Variants in RANBP10 observed in about 807,000 individuals in gnomAD.
The protein encoded by RANBP10 is RAN binding protein 10.
Under a neutral mutation model 72.8 loss-of-function variants are expected in RANBP10, and 24 were observed. The observed-to-expected ratio is 0.33, with a 90% CI of 0.24 to 0.46. The LOEUF (loss-of-function observed/expected upper bound fraction) is 0.46, where lower values mean the gene tolerates loss of function less well. Among genes scored for constraint, RANBP10 ranks in the 20% least tolerant of loss-of-function variants. The pLI is 1.00. For synonymous variants in RANBP10, 310 were observed against 322.3 expected (o/e 0.96, Z 0.41); for missense variants, 679 against 817.5 (o/e 0.83, Z 2.07).
intron 13 of RANBP10, 32 bp downstream of exon 13, chr16:67,727,295 C>T: frequency 6.4e-7 from 1 of 1,574,756 alleles, no homozygotes; most frequent in East Asian, 2.3e-5. Context: ...CAGACTCTGT[C>T]TCTAATAATA....
intron 3 of RANBP10, among the ~76,000 whole-genome samples, chr16:67,767,535 G>C (rs755168896): frequency 1.0e-4 from 15 of 150,464 alleles, no homozygotes; most frequent in South Asian, 4.2e-4. Context: ...GCCTAGATGA[G>C]AGGATTGCTT....
At chr16:67,805,043 A>G (rs973351181) in intron 2 of RANBP10, among the ~76,000 whole-genome samples, 1 of 152,188 alleles carries the variant, frequency 6.6e-6, no homozygotes, top group African/African-American at 2.4e-5. Context: ...GGGCCTCCAC[A>G]TGACTAAATG....
intron 2 of RANBP10, among the ~76,000 whole-genome samples, chr16:67,786,936 A>C (rs2054927525): frequency 6.6e-6 from 1 of 151,168 alleles, no homozygotes; most frequent in African/African-American, 2.4e-5. Flanking sequence ...CAAAAACAAC[A>C]ACGAAAAAAT....
At chr16:67,774,718 CAGGGTTCA>C (rs1173567970) in intron 2 of RANBP10, among the ~76,000 whole-genome samples, 2 of 152,174 alleles carry the variant, frequency 1.3e-5, no homozygotes, top group Non-Finnish European at 2.9e-5. Context: ...ACAGCTGAGT[CAGGGTTCA>C]AGGCGAATAA....
intron 3 of RANBP10, among the ~76,000 whole-genome samples, chr16:67,754,499 TGAG>T (rs1485782198): frequency 1.3e-5 from 2 of 152,134 alleles, no homozygotes; most frequent in African/African-American, 4.8e-5. Flanking sequence ...CCAAAGGAGT[TGAG>T]GAGATGATGG....
chr16:67,744,730 G>A (rs2143005999), intron 3 of RANBP10, among the ~76,000 whole-genome samples: 1 of 152,394 alleles, frequency 6.6e-6, no homozygotes, highest in African/African-American at 2.4e-5. Flanking sequence ...ATACCAGAGG[G>A]TGGTACAACA....
Position 67,726,321 on chromosome 16 carries a change from A to T in RANBP10, c.*107T>A. 1 of 1,522,360 alleles carries T rather than the reference A, an allele frequency of 6.6e-7. No individual in the cohort carries two copies. 94.3% of individuals were successfully genotyped at this position (1,522,360 alleles called of 1,614,324 possible). On this transcript the variant is annotated 3_prime_UTR_variant, in exon 14 of 14. Coordinates refer to ENST00000317506, the MANE Select transcript of RANBP10 (RefSeq NM_020850.3). ...GGGAAAGGCCAGGCAGGAGGAGTGG[A>T]CTCTGTCTATGGTTTCCCAGTCCCT...
chr16:67,761,149 C>T (rs2054388838), intron 3 of RANBP10, among the ~76,000 whole-genome samples: 1 of 152,146 alleles, frequency 6.6e-6, no homozygotes, highest in African/African-American at 2.4e-5. Context: ...CCTAAGAAGG[C>T]CAAAAAACAC....
chr16:67,797,989 C>CA (rs56801646), intron 2 of RANBP10, among the ~76,000 whole-genome samples: 3,031 of 43,408 alleles, frequency 0.07, 199 homozygotes, highest in African/African-American at 0.17. Flanking sequence ...GACCCTCTCT[C>CA]AAAAAAAAAA....
Position 67,729,144 on chromosome 16 carries a change from G to A in RANBP10, c.1352+136C>T, listed in dbSNP as rs551853473. 1.8e-4 allele frequency: 265 copies of A among 1,476,468 alleles called. 1 individual carries two copies. In the South Asian group the frequency reaches 3.2e-3, roughly 18 times the overall value. The allele number at this position is 1,476,468 out of a possible 1,614,324, so 91.5% of individuals were successfully genotyped here. A position where few individuals can be genotyped will look rare whatever the true frequency, so the allele number is the denominator to read the frequency against. ...CCAGAGCTGATGTCTGGCCCGGTGG[G>A]CCAAAAATTAGGACTCCAGGCACAG... On this transcript the variant is annotated intron_variant, in intron 10 of 13. Coordinates refer to ENST00000317506, the MANE Select transcript of RANBP10 (RefSeq NM_020850.3). The surrounding 1 kb of genome is among the most constrained non-coding windows in gnomAD (Gnocchi z 7.1).
At chr16:67,735,161 G>C (rs2053818423) in intron 5 of RANBP10, 119 bp from the exon 6 acceptor site, 3 of 1,033,110 alleles carry the variant, frequency 2.9e-6, no homozygotes, top group African/African-American at 3.2e-5. Context: ...AGCAAGGCTG[G>C]AGGAGGCAGG....
chr16:67,738,212 C>T (rs2053895402), intron 4 of RANBP10, among the ~76,000 whole-genome samples, 177 bp from the exon 5 acceptor site: 2 of 152,152 alleles, frequency 1.3e-5, no homozygotes, highest in South Asian at 2.1e-4. Context: ...GATCTTGGCT[C>T]ACTGCAACCT....
intron 2 of RANBP10, among the ~76,000 whole-genome samples, chr16:67,783,510 T>G (rs1308080093): frequency 6.6e-6 from 1 of 152,134 alleles, no homozygotes; most frequent in Non-Finnish European, 1.5e-5. Context: ...CCCTTGACTC[T>G]AAAAGGCTGG....
chr16:67,727,233 A>G, intron 13 of RANBP10, 94 bp downstream of exon 13: 1 of 1,225,056 alleles, frequency 8.2e-7, no homozygotes, highest in South Asian at 1.5e-5. Flanking sequence ...GCAGAGGTGG[A>G]GATTGCTGTG....
rs1014514502 is a variant in RANBP10, at chr16:67,736,166, C to CT, written c.592-1125dup. Among the ~76,000 whole-genome samples, 141 of 146,240 alleles carry CT rather than the reference C, an allele frequency of 9.6e-4. 1 individual carries two copies. Among genetic ancestry groups the CT allele is most frequent in the Middle Eastern group, 7.1e-3 (2 of 282 alleles). On this transcript the variant is annotated intron_variant, in intron 5 of 13. Coordinates refer to ENST00000317506, the MANE Select transcript of RANBP10 (RefSeq NM_020850.3). ...CATGTTCCTTCCTGAGTATCATGCA[C>CT]TTTTTTTTTTTTGAGACGGAGTTTC...
chr16:67,732,055 C>T (rs2053744662), intron 6 of RANBP10, among the ~76,000 whole-genome samples: 1 of 152,166 alleles, frequency 6.6e-6, no homozygotes, highest in African/African-American at 2.4e-5. Context: ...ACACAGGAGC[C>T]CCTCTGCAGG....
intron 2 of RANBP10, among the ~76,000 whole-genome samples, chr16:67,782,512 C>T (rs148253898): frequency 6.9e-4 from 104 of 150,284 alleles, no homozygotes; most frequent in African/African-American, 2.2e-3. Flanking sequence ...AGTGCAGTGC[C>T]GCGATCTTGG....
At chr16:67,752,261 A>G (rs890018740) in intron 3 of RANBP10, among the ~76,000 whole-genome samples, 1 of 152,214 alleles carries the variant, frequency 6.6e-6, no homozygotes, top group Non-Finnish European at 1.5e-5. Flanking sequence ...ATGACAGTGG[A>G]TTATCCAGGT....
chr16:67,804,286 A>C (rs2055292116), intron 2 of RANBP10, among the ~76,000 whole-genome samples: 1 of 152,162 alleles, frequency 6.6e-6, no homozygotes, highest in Non-Finnish European at 1.5e-5. Context: ...GCTTCGTCAC[A>C]ATCACTGGGA....
Sources: gnomAD v4.1 joint callset for allele counts (sites outside exome capture counted in the v4.1 genomes callset) on GRCh38, gnomAD v4.1.1 for gene constraint, Gnocchi (gnomAD v3.1) non-coding constraint, MANE v1.5 for transcripts, NCBI Gene and HGNC (gene_info 2026-07-23, HGNC 2026-07-21) for gene names.